SRPK2: variants seen among roughly 807,000 people sequenced by gnomAD.
SRPK2 encodes SFRS protein kinase 2.
Under a neutral mutation model 90.8 loss-of-function variants are expected in SRPK2, and 21 were observed. That is an observed-to-expected ratio of 0.23 (90% CI 0.16 to 0.33). SRPK2 has a LOEUF of 0.33. SRPK2 is among the 10% of genes least tolerant of loss of function. The pLI, the probability that SRPK2 is intolerant of heterozygous loss-of-function variation, is 1.00. For synonymous variants in SRPK2, 288 were observed against 311.1 expected (o/e 0.93, Z 0.78); for missense variants, 620 against 869.0 (o/e 0.71, Z 3.60).
chr7:105,254,620 G>A (rs1333397687), intron 2 of SRPK2, among the ~76,000 whole-genome samples: 4 of 151,984 alleles, frequency 2.6e-5, no homozygotes, highest in Non-Finnish European at 1.5e-5. Context: ...TATGATACTG[G>A]ATTGTACGGT....
At chr7:105,333,058 G>A (rs183655222) in intron 2 of SRPK2, among the ~76,000 whole-genome samples, 2 of 152,210 alleles carry the variant, frequency 1.3e-5, no homozygotes, top group East Asian at 3.9e-4. Context: ...GCTGGGCGTG[G>A]TGGCACTCGC....
At chr7:105,336,207 G>C (rs1336344050) in intron 2 of SRPK2, among the ~76,000 whole-genome samples, 6 of 151,988 alleles carry the variant, frequency 3.9e-5, no homozygotes, top group Admixed American at 6.6e-5. Flanking sequence ...ACAGTTAATA[G>C]AAAACACAGA....
chr7:105,365,510 T>TTATATATA, intron 2 of SRPK2, among the ~76,000 whole-genome samples: 1 of 116,362 alleles, frequency 8.6e-6, no homozygotes, highest in South Asian at 2.6e-4. Flanking sequence ...AAAAAAAAAA[T>TTATATATA]TATATATATA....
At chr7:105,390,607 GTTTTT>G (rs869259356), upstream of SRPK2, among the ~76,000 whole-genome samples, 2 of 109,046 alleles carry the variant, frequency 1.8e-5, no homozygotes, top group East Asian at 4.3e-4. Flanking sequence ...TTTTGTTTTT[GTTTTT>G]TTTTTTTTTT....
chr7:105,287,036 C>T (rs867721947), intron 2 of SRPK2, among the ~76,000 whole-genome samples: 81 of 150,026 alleles, frequency 5.4e-4, no homozygotes, highest in Non-Finnish European at 9.7e-4. Flanking sequence ...CCGAGGCGGG[C>T]GGATCACGAG....
At chr7:105,269,351 A>C (rs993406522) in intron 2 of SRPK2, among the ~76,000 whole-genome samples, 2 of 152,210 alleles carry the variant, frequency 1.3e-5, no homozygotes, top group Non-Finnish European at 2.9e-5. Flanking sequence ...TAAGAATGAA[A>C]TATTAAACCA....
intron 2 of SRPK2, among the ~76,000 whole-genome samples, chr7:105,314,313 C>G (rs1012992692): frequency 6.6e-6 from 1 of 152,110 alleles, no homozygotes; most frequent in Non-Finnish European, 1.5e-5. Flanking sequence ...GCCTGGACGA[C>G]AGAGTAAGAC....
At chr7:105,152,560 C>T (rs964184349) in intron 7 of SRPK2, among the ~76,000 whole-genome samples, 1 of 152,088 alleles carries the variant, frequency 6.6e-6, no homozygotes, top group African/African-American at 2.4e-5. Flanking sequence ...AGAACTCCTA[C>T]AATTATTTAT....
chr7:105,161,160 C>T (rs1176431526), intron 6 of SRPK2, among the ~76,000 whole-genome samples: 1 of 152,156 alleles, frequency 6.6e-6, no homozygotes, highest in Non-Finnish European at 1.5e-5. Flanking sequence ...CTCCTGACCT[C>T]ATGATCCACC....
chr7:105,218,410 C>T (rs1797714152), intron 2 of SRPK2, among the ~76,000 whole-genome samples: 1 of 152,110 alleles, frequency 6.6e-6, no homozygotes, highest in African/African-American at 2.4e-5. Flanking sequence ...AGCATGTCAC[C>T]AGGTGACTGA....
At chr7:105,279,234 G>C (rs893678686) in intron 2 of SRPK2, among the ~76,000 whole-genome samples, 1 of 152,136 alleles carries the variant, frequency 6.6e-6, no homozygotes, top group Non-Finnish European at 1.5e-5. Flanking sequence ...CGGTGTTGGC[G>C]CAGGCAGAAG....
intron 15 of SRPK2, chr7:105,125,997 C>T (rs1430354024): frequency 4.6e-6 from 3 of 651,514 alleles, no homozygotes; most frequent in Non-Finnish European, 2.6e-6. Context: ...ACCAAAAGTA[C>T]AGGCCTTCCT....
intron 6 of SRPK2, among the ~76,000 whole-genome samples, chr7:105,162,942 CAGA>C (rs1807905598): frequency 6.6e-6 from 1 of 152,316 alleles, no homozygotes; most frequent in Non-Finnish European, 1.5e-5. Context: ...AAGTCGGACA[CAGA>C]AGAAGTGAGT....
At chr7:105,294,416 C>T (rs1318253153) in intron 2 of SRPK2, among the ~76,000 whole-genome samples, 1 of 152,216 alleles carries the variant, frequency 6.6e-6, no homozygotes, top group East Asian at 1.9e-4. Context: ...AAAAAATTCA[C>T]AGTAACTGTT....
At chr7:105,188,906 C>T (rs1793924609) in intron 3 of SRPK2, among the ~76,000 whole-genome samples, 1 of 152,152 alleles carries the variant, frequency 6.6e-6, no homozygotes. Flanking sequence ...AAAAGACTTG[C>T]AAGAGTGTTC....
intron 6 of SRPK2, 82 bp from the exon 7 acceptor site, chr7:105,160,695 C>A (rs957803830): frequency 1.9e-5 from 14 of 751,462 alleles, no homozygotes; most frequent in Non-Finnish European, 2.6e-5. Context: ...GTGTCACTTG[C>A]AAAGCACTTA....
intron 2 of SRPK2, among the ~76,000 whole-genome samples, chr7:105,262,436 C>T (rs547285489): frequency 6.6e-6 from 1 of 152,124 alleles, no homozygotes; most frequent in Admixed American, 6.6e-5. Context: ...GGAAGTGGCT[C>T]CAAGGCGGAC....
At chr7:105,209,149 C>A (rs1337419318) in intron 2 of SRPK2, among the ~76,000 whole-genome samples, 2 of 152,192 alleles carry the variant, frequency 1.3e-5, no homozygotes, top group East Asian at 3.8e-4. Flanking sequence ...GAAAATTAAT[C>A]TGTAATTCTT....
Position 105,189,084 on chromosome 7 carries a change from G to C in SRPK2, c.229+14544C>G, listed in dbSNP as rs1231570432. ...CCCTTTCCTCAGCTGCTGCCAAGGG[G>C]CTCAGTACTTCTGGGAAAGCTACAG... is the stretch of plus-strand genomic sequence containing the variant. On this transcript the variant is annotated intron_variant, in intron 3 of 15. Coordinates refer to ENST00000393651, the MANE Select transcript of SRPK2 (RefSeq NM_182692.3). 4 of 152,836 alleles carry C rather than the reference G, an allele frequency of 2.6e-5. No individual in the cohort carries two copies. The East Asian group carries it at 5.8e-4, about 22-fold the overall frequency. 9.5% of individuals were successfully genotyped at this position (152,836 alleles called of 1,614,324 possible).
Sources: allele counts gnomAD v4.1 joint callset (sites outside exome capture counted in the v4.1 genomes callset), GRCh38; gene constraint gnomAD v4.1.1; transcripts MANE v1.5; gene names NCBI Gene and HGNC (gene_info 2026-07-23, HGNC 2026-07-21).